LRRC7: variants seen among roughly 807,000 people sequenced by gnomAD.
LRRC7 encodes the protein leucine-rich repeat-containing protein 7.
A neutral mutation model predicts 175.7 loss-of-function variants in LRRC7; 23 were observed. The ratio of observed to expected loss-of-function variants is 0.13; its 90% CI spans 0.09 to 0.19. The LOEUF is 0.19. Ranked by LOEUF, LRRC7 falls within the 10% of genes least tolerant of loss-of-function variation. The probability of loss-of-function intolerance (pLI) is 1.00; values close to 1 mark genes in which losing one functional copy is unlikely to be tolerated. For synonymous variants in LRRC7, 685 were observed against 680.9 expected (o/e 1.01, Z -0.09); for missense variants, 1,354 against 1,904.7 (o/e 0.71, Z 5.38).
At chr1:70,060,799 G>C (rs553092261) in intron 23 of LRRC7, among the ~76,000 whole-genome samples, 22 of 152,312 alleles carry the variant, frequency 1.4e-4, no homozygotes, top group African/African-American at 5.3e-4. Flanking sequence ...ATTGAAAAAT[G>C]ATTCTAAAAC....
intron 11 of LRRC7, among the ~76,000 whole-genome samples, chr1:70,006,917 G>A (rs546264461): frequency 2.6e-5 from 4 of 152,298 alleles, no homozygotes; most frequent in Admixed American, 1.3e-4. Context: ...CAAAAGGAAA[G>A]GTGTGTGAGA....
chr1:70,106,042 CATT>C (rs1421407152), intron 25 of LRRC7, among the ~76,000 whole-genome samples: 6 of 152,058 alleles, frequency 3.9e-5, no homozygotes, highest in Non-Finnish European at 8.8e-5. Context: ...TTAAGTGAGT[CATT>C]ATGTTTACAG....
chr1:69,645,668 G>GT (rs1654903730), intron 1 of LRRC7, among the ~76,000 whole-genome samples: 1 of 151,888 alleles, frequency 6.6e-6, no homozygotes, highest in African/African-American at 2.4e-5. Context: ...ACACAATACT[G>GT]CTTTTTTTAG....
intron 4 of LRRC7, among the ~76,000 whole-genome samples, chr1:69,802,655 A>G (rs951912932): frequency 9.9e-5 from 15 of 151,354 alleles, no homozygotes; most frequent in African/African-American, 3.6e-4. Context: ...TAGTTAATTC[A>G]TGTTGCTTAA....
intron 3 of LRRC7, 53 bp downstream of exon 3, chr1:69,760,446 C>G (rs1282669096): frequency 2.1e-6 from 3 of 1,440,908 alleles, no homozygotes; most frequent in Non-Finnish European, 2.9e-6. Flanking sequence ...TCATAATTTT[C>G]AAATACTTTA....
intron 7 of LRRC7, among the ~76,000 whole-genome samples, chr1:69,846,968 A>T (rs1163305161): frequency 6.6e-6 from 1 of 152,124 alleles, no homozygotes; most frequent in Non-Finnish European, 1.5e-5. Context: ...TTACTTCACC[A>T]GCAGTACTCT....
At chr1:70,060,691 G>A (rs1661513183) in intron 23 of LRRC7, among the ~76,000 whole-genome samples, 1 of 152,112 alleles carries the variant, frequency 6.6e-6, no homozygotes, top group African/African-American at 2.4e-5. Context: ...AATCAACCAG[G>A]TAAATATTAC....
chr1:69,880,864 GA>G lies in LRRC7; in HGVS notation c.647+42589del, dbSNP rs569703776. Among the ~76,000 whole-genome samples the G allele has an allele frequency of 7.8e-4, 119 of 151,842 alleles. 1 individual carries two copies. The highest frequency in any genetic ancestry group is 2.8e-3 in the African/African-American group (116 of 41,430). ...GGTTTAATTTCAAAAGTATTTTCCA[GA>G]AAAAAAAGACACAGCCATGTTCAAA... On this transcript the variant is annotated intron_variant, in intron 7 of 26. Coordinates refer to ENST00000651989, the MANE Select transcript of LRRC7 (RefSeq NM_001370785.2).
intron 7 of LRRC7, among the ~76,000 whole-genome samples, chr1:69,863,294 C>T (rs1274683959): frequency 2.6e-5 from 4 of 152,166 alleles, no homozygotes; most frequent in Non-Finnish European, 5.9e-5. Context: ...ATTCCAACCC[C>T]AGGCACCTTC....
chr1:69,946,734 T>C (rs1167463497), intron 8 of LRRC7, among the ~76,000 whole-genome samples: 1 of 152,014 alleles, frequency 6.6e-6, no homozygotes, highest in African/African-American at 2.4e-5. Context: ...TCATTACCAT[T>C]TGCATGGAAT....
intron 25 of LRRC7, among the ~76,000 whole-genome samples, chr1:70,092,674 G>A (rs1366768531): frequency 6.6e-6 from 1 of 152,066 alleles, no homozygotes; most frequent in African/African-American, 2.4e-5. Flanking sequence ...ATCTCAAAAA[G>A]CTGAGAGCCA....
At chr1:69,802,779 GTTCT>G (rs1409443488) in intron 4 of LRRC7, among the ~76,000 whole-genome samples, 2 of 150,954 alleles carry the variant, frequency 1.3e-5, no homozygotes, top group Non-Finnish European at 3.0e-5. Flanking sequence ...TGGTTTTGTG[GTTCT>G]TTGTTTCTCT....
At chr1:69,731,712 G>A (rs560158195) in intron 2 of LRRC7, among the ~76,000 whole-genome samples, 2 of 152,328 alleles carry the variant, frequency 1.3e-5, no homozygotes, top group South Asian at 2.1e-4. Flanking sequence ...AATGTTCAAT[G>A]TCCAAAGTAT....
chr1:69,787,405 C>T (rs1016213817), intron 3 of LRRC7, among the ~76,000 whole-genome samples: 3 of 152,222 alleles, frequency 2.0e-5, no homozygotes, highest in African/African-American at 7.2e-5. Flanking sequence ...GTGGGAGCTC[C>T]GACCCCACAT....
chr1:69,991,980 T>C (rs1008730178), intron 10 of LRRC7, among the ~76,000 whole-genome samples: 1 of 152,132 alleles, frequency 6.6e-6, no homozygotes, highest in Non-Finnish European at 1.5e-5. Flanking sequence ...TATTTTTTGC[T>C]TAATAATTTA....
chr1:69,909,168 C>T (rs888274115), intron 7 of LRRC7, among the ~76,000 whole-genome samples: 2 of 152,060 alleles, frequency 1.3e-5, no homozygotes, highest in Non-Finnish European at 2.9e-5. Flanking sequence ...TGTGTCTCTG[C>T]ACGTGAGATG....
intron 24 of LRRC7, among the ~76,000 whole-genome samples, chr1:70,083,590 G>A (rs1012025596): frequency 1.3e-5 from 2 of 152,010 alleles, no homozygotes; most frequent in Non-Finnish European, 2.9e-5. Context: ...CCCAGCCTTC[G>A]TCTCTCTCCT....
chr1:69,836,049 A>C (rs7544286), intron 6 of LRRC7, among the ~76,000 whole-genome samples: 86,731 of 151,774 alleles, frequency 0.57, 24,892 homozygotes, highest in East Asian at 0.7. Flanking sequence ...CTGTCAACTG[A>C]ATTTATGTAA....
At chr1:69,942,369 T>C (rs192966946) in intron 8 of LRRC7, among the ~76,000 whole-genome samples, 14 of 152,208 alleles carry the variant, frequency 9.2e-5, no homozygotes, top group Non-Finnish European at 2.1e-4. Flanking sequence ...AGTTAAAATA[T>C]CTTACTTTTA....
Sources: allele counts gnomAD v4.1 joint callset (sites outside exome capture counted in the v4.1 genomes callset), GRCh38; gene constraint gnomAD v4.1.1; transcripts MANE v1.5; gene names NCBI Gene and HGNC (gene_info 2026-07-23, HGNC 2026-07-21).